SLC13A3: variants seen among roughly 807,000 people sequenced by gnomAD.
The protein encoded by SLC13A3 is Na(+)/dicarboxylate cotransporter 3.
In SLC13A3, 40 loss-of-function variants were observed where a neutral mutation model predicts 59.0. The ratio of observed to expected loss-of-function variants is 0.68; its 90% CI spans 0.53 to 0.88. The LOEUF (loss-of-function observed/expected upper bound fraction) is 0.88, where lower values mean the gene tolerates loss of function less well. SLC13A3 is among the 40% of genes least tolerant of loss of function. The pLI is 0.00. For missense variants in SLC13A3, 699 were observed against 783.2 expected (o/e 0.89, Z 1.28); for synonymous variants, 317 against 330.3 (o/e 0.96, Z 0.44).
intron 1 of SLC13A3, among the ~76,000 whole-genome samples, chr20:46,668,954 G>T (rs896801071): frequency 1.5e-4 from 23 of 152,294 alleles, no homozygotes; most frequent in Admixed American, 8.5e-4. Context: ...AATTCTTAAA[G>T]AACTTCCACA....
chr20:46,604,739 G>A (rs370781125), intron 3 of SLC13A3, among the ~76,000 whole-genome samples: 3 of 152,180 alleles, frequency 2.0e-5, no homozygotes, highest in Non-Finnish European at 1.5e-5. Flanking sequence ...TAGGGATGAG[G>A]GCCCCTGAGC....
At chr20:46,668,637 A>T (rs2063074167) in intron 1 of SLC13A3, among the ~76,000 whole-genome samples, 1 of 152,248 alleles carries the variant, frequency 6.6e-6, no homozygotes, top group African/African-American at 2.4e-5. Context: ...AGCTAAGGTC[A>T]TTGATGAAGA....
intron 4 of SLC13A3, among the ~76,000 whole-genome samples, chr20:46,599,304 G>A (rs1249111118): frequency 3.9e-5 from 6 of 152,234 alleles, no homozygotes; most frequent in Non-Finnish European, 7.3e-5. Context: ...TGAGCAGATC[G>A]CTTGGCTCCC....
chr20:46,609,787 G>A (rs2062474230), intron 3 of SLC13A3, among the ~76,000 whole-genome samples: 1 of 152,172 alleles, frequency 6.6e-6, no homozygotes, highest in Admixed American at 6.5e-5. Context: ...TAGCAATAAA[G>A]TGCATGTAGC....
intron 1 of SLC13A3, among the ~76,000 whole-genome samples, chr20:46,681,056 C>A (rs966756966): frequency 7.9e-5 from 12 of 152,306 alleles, no homozygotes; most frequent in African/African-American, 2.6e-4. Context: ...TAAAAGGGTC[C>A]CCTGGGCTGC....
rs369538761 is a variant in SLC13A3, at chr20:46,596,148, C to A, written c.794+9G>T. On this transcript the variant is annotated intron_variant, in intron 5 of 12. Coordinates refer to ENST00000279027, the MANE Select transcript of SLC13A3 (RefSeq NM_022829.6). ...AACCCTCCCCGCCGGTGGGGACTCT[C>A]GCTTTCACCTCTTGAGCTGGCCAAG... 4.3e-6 allele frequency: 7 copies of A among 1,611,440 alleles called. No individual in the cohort carries two copies. The highest frequency in any genetic ancestry group is 1.7e-5 in the Admixed American group (1 of 59,876).
At chr20:46,649,376 T>C (rs572174589) in intron 1 of SLC13A3, among the ~76,000 whole-genome samples, 2 of 152,324 alleles carry the variant, frequency 1.3e-5, no homozygotes, top group East Asian at 3.9e-4. Flanking sequence ...GTATTCATTT[T>C]CTTCAAGAGT....
chr20:46,666,342 A>G (rs1239628728), intron 1 of SLC13A3, among the ~76,000 whole-genome samples: 1 of 152,218 alleles, frequency 6.6e-6, no homozygotes, highest in Non-Finnish European at 1.5e-5. Flanking sequence ...CAGACAGAAA[A>G]GGGTTTGGAG....
At chr20:46,676,409 C>T (rs955211073) in intron 1 of SLC13A3, among the ~76,000 whole-genome samples, 1 of 138,170 alleles carries the variant, frequency 7.2e-6, no homozygotes, top group Admixed American at 7.1e-5. Flanking sequence ...ACTCTCTCAA[C>T]TCTTTTTTTT....
intron 9 of SLC13A3, among the ~76,000 whole-genome samples, chr20:46,579,867 C>T (rs1272659453): frequency 6.6e-6 from 1 of 152,220 alleles, no homozygotes; most frequent in African/African-American, 2.4e-5. Flanking sequence ...TGGGCACAAT[C>T]AGTGGAAGCT....
chr20:46,675,565 CTT>C (rs915765663), intron 1 of SLC13A3, among the ~76,000 whole-genome samples: 3 of 139,616 alleles, frequency 2.1e-5, no homozygotes, highest in Non-Finnish European at 3.1e-5. Flanking sequence ...TTCTTTCTTT[CTT>C]TTTTTTTTTT....
chr20:46,593,800 A>G (rs949284609), intron 5 of SLC13A3, among the ~76,000 whole-genome samples: 2 of 152,208 alleles, frequency 1.3e-5, no homozygotes, highest in Non-Finnish European at 2.9e-5. Context: ...ATAAAACTGT[A>G]TTAAGAGCAT....
At chr20:46,674,721 G>C (rs1440982646), upstream of SLC13A3, among the ~76,000 whole-genome samples, 1 of 152,014 alleles carries the variant, frequency 6.6e-6, no homozygotes, top group Non-Finnish European at 1.5e-5. Flanking sequence ...GTTTGGAAGA[G>C]AGAATTCAAT....
intron 3 of SLC13A3, among the ~76,000 whole-genome samples, chr20:46,600,970 A>G (rs1261550990): frequency 2.0e-5 from 3 of 152,144 alleles, no homozygotes; most frequent in Non-Finnish European, 4.4e-5. Flanking sequence ...GATAAAATGG[A>G]ATCCATCCTA....
chr20:46,563,631 A>AGAGAGAGC, intron 11 of SLC13A3, 80 bp from the exon 12 acceptor site: 1 of 1,468,028 alleles, frequency 6.8e-7, no homozygotes, highest in South Asian at 1.3e-5. Context: ...AGAGAGAGAG[A>AGAGAGAGC]GGCAGTTGGA....
At chr20:46,595,123 G>A (rs531450854) in intron 5 of SLC13A3, among the ~76,000 whole-genome samples, 8 of 152,120 alleles carry the variant, frequency 5.3e-5, no homozygotes, top group Non-Finnish European at 1.2e-4. Context: ...GCTTACATTT[G>A]CATTTATGTA....
chr20:46,643,409 G>A (rs961934042), intron 1 of SLC13A3, among the ~76,000 whole-genome samples: 5 of 152,160 alleles, frequency 3.3e-5, no homozygotes, highest in African/African-American at 1.2e-4. Context: ...AAGGGAAGGA[G>A]CAAGACTTGC....
Position 46,588,075 on chromosome 20 carries a change from T to C in SLC13A3, c.1105A>G (p.Ser369Gly). ...GAGTCTCACCCAGGATTGAAGAGGCTGGCCCAGCCAGGGATGAACTTCGGG... is the reference window on the plus strand; with the variant it reads ...GAGTCTCACCCAGGATTGAAGAGGCCGGCCCAGCCAGGGATGAACTTCGGG... ...RDPKFIPGWA[S>G]LFNPGFLSDA... Residue 369 changes from serine (S) to glycine (G), a missense_variant, in exon 8 of 13, where the codon AGC (serine) becomes GGC (glycine). Transcript: ENST00000279027. 1 of 1,609,106 alleles carries C rather than the reference T, an allele frequency of 6.2e-7. No individual in the cohort carries two copies. The highest frequency in any genetic ancestry group is 8.5e-7 in the Non-Finnish European group (1 of 1,176,612).
Position 46,589,191 on chromosome 20 carries a change from G to T in SLC13A3, c.985C>A (p.Arg329=). 1 of 1,614,168 alleles carries T rather than the reference G, an allele frequency of 6.2e-7. No homozygotes were observed. The highest frequency in any genetic ancestry group is 8.5e-7 in the Non-Finnish European group (1 of 1,180,032). ...GGCCCCAGGTTCTGGTATTCTTCCC[G>T]AATTACAGCTCGAGCCCTATCTTCT... is the stretch of plus-strand genomic sequence containing the variant. ...NAEDRARAVI[R]EEYQNLGPIK... is the part of the protein sequence containing the mutation. The change falls in exon 7 of 13, where the codon CGG becomes AGG. Residue 329 remains arginine (R), a synonymous_variant. Transcript: ENST00000279027.
Sources: gnomAD v4.1 joint callset for allele counts (sites outside exome capture counted in the v4.1 genomes callset) on GRCh38, gnomAD v4.1.1 for gene constraint, MANE v1.5 for transcripts, NCBI Gene and HGNC (gene_info 2026-07-23, HGNC 2026-07-21) for gene names.